PRMT8: variants seen among roughly 807,000 people sequenced by gnomAD.
The protein encoded by PRMT8 is protein arginine N-methyltransferase 8.
A neutral mutation model predicts 47.1 loss-of-function variants in PRMT8; 7 were observed. The observed-to-expected ratio is 0.15, with a 90% confidence interval of 0.08 to 0.28. PRMT8 has a LOEUF of 0.28. Among genes scored for constraint, PRMT8 ranks in the 10% least tolerant of loss-of-function variants. The probability of loss-of-function intolerance (pLI) is 1.00; values close to 1 mark genes in which losing one functional copy is unlikely to be tolerated. For missense variants in PRMT8, 237 were observed against 505.4 expected (o/e 0.47, Z 5.09); for synonymous variants, 188 against 186.5 (o/e 1.01, Z -0.07).
Position 3,552,487 on chromosome 12 carries a change from C to T in PRMT8, c.418-1164C>T. ...CAGGCCTGGCTCCGGGTCGCATGCTCCTCATCACTCAACATGGTCGCCTCT... is the reference window on the plus strand; with the variant it reads ...CAGGCCTGGCTCCGGGTCGCATGCTTCTCATCACTCAACATGGTCGCCTCT... On this transcript the variant is annotated intron_variant, in intron 3 of 9. Transcript: ENST00000382622. This position sits in a 1 kb window ranked among gnomAD's most constrained non-coding sequence, Gnocchi z 4.5. 1 of 291,940 alleles carries T rather than the reference C, an allele frequency of 3.4e-6. No homozygotes were observed. The highest frequency in any genetic ancestry group is 3.0e-5 in the South Asian group (1 of 33,564). 18.1% of individuals were successfully genotyped at this position (291,940 alleles called of 1,614,324 possible).
chr12:3,467,069 C>G (rs1591558507), intron 1 of PRMT8, among the ~76,000 whole-genome samples: 2 of 151,956 alleles, frequency 1.3e-5, no homozygotes, highest in East Asian at 3.9e-4. Context: ...GAAACCCCGT[C>G]TCTACTAAAA....
intron 2 of PRMT8, among the ~76,000 whole-genome samples, chr12:3,541,966 A>G (rs971500446): frequency 2.0e-5 from 3 of 152,194 alleles, no homozygotes; most frequent in Non-Finnish European, 4.4e-5. Context: ...AAAGGCCACA[A>G]GCTAGTAGAT....
Position 3,593,412 on chromosome 12 carries a change from C to T in PRMT8, c.*230C>T, listed in dbSNP as rs1867355624. The T allele has an allele frequency of 1.9e-6, 1 of 519,288 alleles. No homozygotes were observed. The highest frequency in any genetic ancestry group is 3.4e-6 in the Non-Finnish European group (1 of 295,530). 32.2% of individuals were successfully genotyped at this position (519,288 alleles called of 1,614,324 possible). On this transcript the variant is annotated 3_prime_UTR_variant, in exon 10 of 10. Coordinates refer to ENST00000382622, the MANE Select transcript of PRMT8 (RefSeq NM_019854.5). This position sits in a 1 kb window ranked among gnomAD's most constrained non-coding sequence, Gnocchi z 4.8. ...GCCCTTCACGAAGGCTTTGTGTTGC[C>T]AACAAAGAGCGACCTGGCGTGCTGT... is the stretch of plus-strand genomic sequence containing the variant.
rs34619063 is a variant in PRMT8 at position 3,591,407 on chromosome 12, C to CTTTTTTT, written c.980-809_980-803dup. On this transcript the variant is annotated intron_variant, in intron 8 of 9. Transcript: ENST00000382622. The stretch of plus-strand genomic sequence containing the variant: ...CACAGAGAAGCAGGCAGGGAAAGCT[C>CTTTTTTT]TTTTTTTTTTTTTTTTTTTTTGAGA... 1.4e-3 allele frequency among the ~76,000 whole-genome samples: 161 copies of CTTTTTTT among 115,714 alleles called. 2 individuals are homozygous for CTTTTTTT. The highest frequency in any genetic ancestry group is 5.3e-3 in the African/African-American group (157 of 29,764). The allele number at this position is 115,714 out of a possible 152,430, so 75.9% of individuals were successfully genotyped here.
chr12:3,398,912 G>T (rs970979967), intron 1 of PRMT8, among the ~76,000 whole-genome samples: 4 of 152,216 alleles, frequency 2.6e-5, no homozygotes, highest in Non-Finnish European at 5.9e-5. Context: ...TGCTCATGGT[G>T]TGGGGGAATG....
At chr12:3,381,376 T>C in exon 1 of PRMT8, 5 of 1,536,024 alleles carry the variant, frequency 3.3e-6, no homozygotes, top group Non-Finnish European at 4.4e-6. Flanking sequence ...GCTTGCTGTT[T>C]GAATGTGTGC....
At chr12:3,578,224 C>G (rs556148212) in intron 7 of PRMT8, among the ~76,000 whole-genome samples, 2 of 152,146 alleles carry the variant, frequency 1.3e-5, no homozygotes, top group South Asian at 4.2e-4. Flanking sequence ...TCATGTACCA[C>G]AAGCTATTTT....
chr12:3,484,303 G>T (rs1273016595), intron 1 of PRMT8, among the ~76,000 whole-genome samples: 1 of 152,230 alleles, frequency 6.6e-6, no homozygotes, highest in Non-Finnish European at 1.5e-5. Context: ...ACAGAAGGAG[G>T]ATGCGGGGTT....
intron 1 of PRMT8, among the ~76,000 whole-genome samples, chr12:3,418,549 G>A (rs1386638723): frequency 6.6e-6 from 1 of 152,218 alleles, no homozygotes; most frequent in African/African-American, 2.4e-5. Flanking sequence ...AGAAAGGCTT[G>A]ATACTGATGC....
intron 1 of PRMT8, among the ~76,000 whole-genome samples, chr12:3,513,896 C>T (rs1865748422): frequency 6.6e-6 from 1 of 152,204 alleles, no homozygotes; most frequent in Non-Finnish European, 1.5e-5. Flanking sequence ...TTATCCTGTT[C>T]GATTTTAGAT....
chr12:3,584,106 C>G (rs1350012305), intron 8 of PRMT8, among the ~76,000 whole-genome samples: 1 of 152,216 alleles, frequency 6.6e-6, no homozygotes, highest in Non-Finnish European at 1.5e-5. Flanking sequence ...ACATGCAGTT[C>G]TGGAGGCTGG....
At position 3,580,337 on chromosome 12, in the gene PRMT8, C is replaced by CATGT. The variant is rs143772293; in HGVS notation, c.829-2721_829-2720insATGT. ...TCCTGCCAGATGGGGGGTGCGTGTGCGTGTGTGTGTGTGTGTGTGTGTGTG... is the reference window on the plus strand; with the variant it reads ...TCCTGCCAGATGGGGGGTGCGTGTGCATGTGTGTGTGTGTGTGTGTGTGTGTGTG... On this transcript the variant is annotated intron_variant, in intron 7 of 9. Transcript: ENST00000382622. This position sits in a 1 kb window ranked among gnomAD's most constrained non-coding sequence, Gnocchi z 4.6. Among the ~76,000 whole-genome samples, 3 of 145,538 alleles carry CATGT rather than the reference C, an allele frequency of 2.1e-5. No homozygotes were observed. The highest frequency in any genetic ancestry group is 3.0e-5 in the Non-Finnish European group (2 of 65,892).
In PRMT8 at chr12:3,535,028, G is replaced by A. The variant is rs887443465; in HGVS notation, c.76-5578G>A. ...GCGCCTGGGGCGCAGTGGGCCCTTA[G>A]TCAATGTTAGGTCTCATCACCATCA... On this transcript the variant is annotated intron_variant, in intron 1 of 9. Coordinates refer to ENST00000382622, the MANE Select transcript of PRMT8 (RefSeq NM_019854.5). This position sits in a 1 kb window ranked among gnomAD's most constrained non-coding sequence, Gnocchi z 4.7. Among the ~76,000 whole-genome samples, 1 of 152,248 alleles carries A rather than the reference G, an allele frequency of 6.6e-6. No homozygotes were observed. Among genetic ancestry groups the A allele is most frequent in the African/African-American group, 2.4e-5 (1 of 41,474 alleles).
At chr12:3,449,204 G>A (rs1264720347) in intron 1 of PRMT8, among the ~76,000 whole-genome samples, 1 of 152,166 alleles carries the variant, frequency 6.6e-6, no homozygotes, top group South Asian at 2.1e-4. Context: ...ATATACGTGT[G>A]CATGTATCTT....
chr12:3,442,910 G>T (rs1311769743), intron 1 of PRMT8, among the ~76,000 whole-genome samples: 2 of 152,146 alleles, frequency 1.3e-5, no homozygotes, highest in Admixed American at 6.5e-5. Flanking sequence ...ACCCGCCTCG[G>T]CCTCCCAAAG....
intron 1 of PRMT8, among the ~76,000 whole-genome samples, chr12:3,527,681 A>T (rs1865968132): frequency 6.6e-6 from 1 of 152,142 alleles, no homozygotes; most frequent in African/African-American, 2.4e-5. Context: ...AAAAATTTAA[A>T]TAGTTAATGA....
intron 8 of PRMT8, among the ~76,000 whole-genome samples, chr12:3,586,452 C>A (rs113200247): frequency 2.0e-5 from 3 of 152,206 alleles, no homozygotes; most frequent in African/African-American, 7.2e-5. Flanking sequence ...GTTATGCCTC[C>A]TCCCTTTTGC....
intron 1 of PRMT8, among the ~76,000 whole-genome samples, chr12:3,483,923 A>G (rs1171206841): frequency 6.6e-6 from 1 of 152,158 alleles, no homozygotes; most frequent in African/African-American, 2.4e-5. Context: ...CCTCCTGACA[A>G]GTGATGAGGA....
chr12:3,538,503 CTT>C lies in PRMT8; in HGVS notation c.76-2102_76-2101del. 4.7e-6 allele frequency: 2 copies of C among 421,548 alleles called. No homozygotes were observed. Among genetic ancestry groups the C allele is most frequent in the Non-Finnish European group, 9.4e-6 (2 of 212,084 alleles). The allele number at this position is 421,548 out of a possible 1,614,324, so 26.1% of individuals were successfully genotyped here. A position where few individuals can be genotyped will look rare whatever the true frequency, so the allele number is the denominator to read the frequency against. Reference sequence around the variant, plus strand: ...CACCCACTCCCAGCCTCCGGGGAGTCTTAGCCTGTGGAGTCCCAGGAAGCACA... The same window carrying C: ...CACCCACTCCCAGCCTCCGGGGAGTCAGCCTGTGGAGTCCCAGGAAGCACA... On this transcript the variant is annotated intron_variant, in intron 1 of 9. Coordinates refer to ENST00000382622, the MANE Select transcript of PRMT8 (RefSeq NM_019854.5). The surrounding 1 kb of genome is among the most constrained non-coding windows in gnomAD (Gnocchi z 4.6).
Sources: gnomAD v4.1 joint callset for allele counts (sites outside exome capture counted in the v4.1 genomes callset) on GRCh38, gnomAD v4.1.1 for gene constraint, Gnocchi (gnomAD v3.1) non-coding constraint, MANE v1.5 for transcripts, NCBI Gene and HGNC (gene_info 2026-07-23, HGNC 2026-07-21) for gene names.